Variants in PDLIM5 observed in about 807,000 individuals in gnomAD.
The protein encoded by PDLIM5 is PDZ and LIM domain protein 5.
A neutral mutation model predicts 64.2 loss-of-function variants in PDLIM5; 34 were observed. The ratio of observed to expected loss-of-function variants is 0.53; its 90% CI spans 0.40 to 0.71. The LOEUF is 0.71. Among genes scored for constraint, PDLIM5 ranks in the 30% least tolerant of loss-of-function variants. The pLI is 0.00. For synonymous variants in PDLIM5, 253 were observed against 269.1 expected, an observed-to-expected ratio of 0.94 and a Z score of 0.59; for missense variants, 683 against 733.6, an observed-to-expected ratio of 0.93 and a Z score of 0.80.
chr4:94,542,489 G>A (rs1731907135), intron 3 of PDLIM5, among the ~76,000 whole-genome samples: 1 of 152,090 alleles, frequency 6.6e-6, no homozygotes, highest in Non-Finnish European at 1.5e-5. Flanking sequence ...TAACCCTGCA[G>A]AGAAGGTTTC....
intron 12 of PDLIM5, 80 bp from the exon 13 acceptor site, chr4:94,663,898 C>G: frequency 7.0e-7 from 1 of 1,430,124 alleles, no homozygotes; most frequent in Non-Finnish European, 9.4e-7. Flanking sequence ...AAAAATCACT[C>G]TCTCCTTCTC....
chr4:94,539,310 A>T (rs1282436288), intron 3 of PDLIM5, among the ~76,000 whole-genome samples: 1 of 152,160 alleles, frequency 6.6e-6, no homozygotes, highest in Non-Finnish European at 1.5e-5. Context: ...ATTCATTTGC[A>T]GTGTAGAAAA....
intron 7 of PDLIM5, among the ~76,000 whole-genome samples, chr4:94,589,947 T>C (rs2110327385): frequency 6.6e-6 from 1 of 151,856 alleles, no homozygotes; most frequent in Non-Finnish European, 1.5e-5. Flanking sequence ...CTAATTTTTA[T>C]AGTTTTTTTA....
At chr4:94,591,189 T>G (rs541045437) in intron 7 of PDLIM5, among the ~76,000 whole-genome samples, 1 of 152,214 alleles carries the variant, frequency 6.6e-6, no homozygotes, top group Non-Finnish European at 1.5e-5. Context: ...TTAGCTAGAA[T>G]TGTCTGGACA....
At chr4:94,594,783 G>T (rs373929192) in intron 7 of PDLIM5, among the ~76,000 whole-genome samples, 2 of 152,140 alleles carry the variant, frequency 1.3e-5, no homozygotes, top group East Asian at 1.9e-4. Flanking sequence ...TTAGCAAAAG[G>T]ATATCTAAAA....
chr4:94,492,608 T>G (rs2438145), intron 2 of PDLIM5, among the ~76,000 whole-genome samples: 28,393 of 152,092 alleles, frequency 0.19, 3,178 homozygotes, highest in Non-Finnish European at 0.25. Context: ...CTATTCTGGG[T>G]ATTTCATATA....
At chr4:94,534,546 G>A (rs1731157158) in intron 3 of PDLIM5, among the ~76,000 whole-genome samples, 1 of 152,140 alleles carries the variant, frequency 6.6e-6, no homozygotes. Flanking sequence ...ATATGCTACA[G>A]GGGTTCAAAG....
intron 5 of PDLIM5, chr4:94,577,219 G>A (rs574591443): frequency 4.4e-6 from 2 of 457,162 alleles, no homozygotes; most frequent in Admixed American, 4.7e-5. Flanking sequence ...CCAGTTCCCA[G>A]GAAAATATAA....
chr4:94,521,969 A>G (rs1415787638), intron 2 of PDLIM5, among the ~76,000 whole-genome samples: 14 of 152,286 alleles, frequency 9.2e-5, no homozygotes, highest in Admixed American at 3.9e-4. Flanking sequence ...TAGGGAATAG[A>G]TGTCCCTTTG....
At chr4:94,550,322 C>G (rs1286273318) in intron 3 of PDLIM5, among the ~76,000 whole-genome samples, 2 of 152,104 alleles carry the variant, frequency 1.3e-5, no homozygotes. Flanking sequence ...TATGTATTAT[C>G]TATTTAATAG....
At chr4:94,609,856 T>C (rs1351458584) in intron 7 of PDLIM5, among the ~76,000 whole-genome samples, 1 of 152,220 alleles carries the variant, frequency 6.6e-6, no homozygotes, top group Non-Finnish European at 1.5e-5. Context: ...TGTTGGCAAG[T>C]CAGTCTTCAA....
At chr4:94,542,805 G>T (rs2452581) in intron 3 of PDLIM5, among the ~76,000 whole-genome samples, 116,632 of 152,122 alleles carry the variant, frequency 0.77, 45,035 homozygotes, top group East Asian at 0.93. Context: ...AAATTTAGCT[G>T]TAGCTAAATT....
intron 7 of PDLIM5, among the ~76,000 whole-genome samples, chr4:94,590,822 C>T (rs1214214475): frequency 6.6e-6 from 1 of 152,086 alleles, no homozygotes; most frequent in Non-Finnish European, 1.5e-5. Flanking sequence ...CCATTCCTAT[C>T]CATAGCATTT....
rs552274423 is a variant in PDLIM5, at chr4:94,661,272, T to C, written c.1586-1150T>C. 1.3e-3 allele frequency among the ~76,000 whole-genome samples: 197 copies of C among 151,988 alleles called. No individual in the cohort carries two copies. In the Middle Eastern group the frequency reaches 0.014, roughly 10 times the overall value. On this transcript the variant is annotated intron_variant, in intron 11 of 12. Coordinates refer to ENST00000317968, the MANE Select transcript of PDLIM5 (RefSeq NM_006457.5). ...AGCTGGACATGGTGGCTTGTACATG[T>C]AGTCTCAGCTACTCAGGAGACAGAG...
chr4:94,584,963 T>C (rs770259098), intron 5 of PDLIM5: 16 of 1,506,742 alleles, frequency 1.1e-5, no homozygotes, highest in Non-Finnish European at 1.0e-5. Flanking sequence ...TTTCTTCTGC[T>C]GCCTTCCTCT....
intron 7 of PDLIM5, among the ~76,000 whole-genome samples, chr4:94,597,805 CA>C (rs2110343011): frequency 6.6e-6 from 1 of 152,102 alleles, no homozygotes; most frequent in African/African-American, 2.4e-5. Context: ...AACTTCTAAC[CA>C]TAAACTAATT....
At chr4:94,540,858 G>A (rs569902963) in intron 3 of PDLIM5, among the ~76,000 whole-genome samples, 5 of 152,286 alleles carry the variant, frequency 3.3e-5, no homozygotes, top group Admixed American at 6.5e-5. Context: ...GTTGGTATGA[G>A]TCTGCATTAA....
intron 2 of PDLIM5, among the ~76,000 whole-genome samples, chr4:94,465,947 T>A (rs1266821118): frequency 2.6e-5 from 4 of 152,046 alleles, no homozygotes; most frequent in African/African-American, 9.7e-5. Flanking sequence ...TGTGTGTGTG[T>A]GTCTGTTTCT....
intron 9 of PDLIM5, among the ~76,000 whole-genome samples, chr4:94,646,830 G>GGAA (rs1239395010): frequency 6.6e-6 from 1 of 152,090 alleles, no homozygotes; most frequent in African/African-American, 2.4e-5. Context: ...GGGTGTGACT[G>GGAA]GAAGGAATCC....
Sources: allele counts gnomAD v4.1 joint callset (sites outside exome capture counted in the v4.1 genomes callset), GRCh38; gene constraint gnomAD v4.1.1; transcripts MANE v1.5; gene names NCBI Gene and HGNC (gene_info 2026-07-23, HGNC 2026-07-21).